Variants in RPE65 observed in about 807,000 individuals in gnomAD.
RPE65 encodes the protein retinoid isomerohydrolase RPE65.
RPE65 carries 58 observed loss-of-function variants against 68.5 expected under a neutral mutation model. That is an observed-to-expected ratio of 0.85 (90% CI 0.69 to 1.05). RPE65 has a LOEUF of 1.05. Ranked by LOEUF, RPE65 falls within the 50% of genes least tolerant of loss-of-function variation. RPE65 has a pLI of 0.00. For synonymous variants in RPE65, 220 were observed against 222.2 expected, an observed-to-expected ratio of 0.99 and a Z score of 0.09; for missense variants, 643 against 629.9, an observed-to-expected ratio of 1.02 and a Z score of -0.22.
intron 10 of RPE65, among the ~76,000 whole-genome samples, chr1:68,436,435 C>G (rs1407372363): frequency 6.8e-6 from 1 of 147,624 alleles, no homozygotes; most frequent in African/African-American, 2.5e-5. Context: ...AAGCTAGCTC[C>G]TGTTACTTCT....
chr1:68,446,021 A>G (rs1262146005), intron 3 of RPE65, among the ~76,000 whole-genome samples: 1 of 152,066 alleles, frequency 6.6e-6, no homozygotes, highest in Non-Finnish European at 1.5e-5. Context: ...GTGGTGATCA[A>G]CAAAGCCACT....
Position 68,440,957 on chromosome 1 carries a change from T to C in RPE65, c.539A>G (p.His180Arg), listed in dbSNP as rs1400341789. 6.2e-7 allele frequency: 1 copy of C among 1,613,948 alleles called. No homozygotes were observed. The highest frequency in any genetic ancestry group is 1.1e-5 in the South Asian group (1 of 91,080). The stretch of plus-strand genomic sequence containing the variant: ...GGTTCCATCATTTTCAATGTGGGGG[T>C]GAGCAGTGGCCCCATTGACAGAGAC... ...NYVSVNGATA[H>R]PHIENDGTVY... The change falls in exon 6 of 14, where the codon CAC becomes CGC. Residue 180 changes from histidine (H) to arginine (R), a missense_variant. His to Arg is a conservative substitution (Grantham distance 29). Transcript: ENST00000262340.
intron 3 of RPE65, 81 bp from the exon 4 acceptor site, chr1:68,444,964 A>AAGC: frequency 9.1e-7 from 1 of 1,104,960 alleles, no homozygotes; most frequent in Non-Finnish European, 1.4e-6. Context: ...TGGCCATTCT[A>AAGC]TGTGTCCTCA....
chr1:68,439,246 C>T lies in RPE65; in HGVS notation c.803G>A (p.Trp268Ter). Residue 268 changes from tryptophan to a stop codon, truncating the protein, a stop_gained, in exon 8 of 14, where the codon TGG becomes TAG. Coordinates refer to ENST00000262340, the MANE Select transcript of RPE65 (RefSeq NM_000329.3). LOFTEE classifies it high-confidence loss of function. Reference protein sequence around the residue: ...KINLFKFLSSWSLWGANYMDC... With the variant: ...KINLFKFLSS ...CATGTAGTTGGCTCCCCAAAGACTC[C>T]ATGAAGAAAGGAACTTGAACAGGTT... is the stretch of plus-strand genomic sequence containing the variant. The T allele has an allele frequency of 6.2e-7, 1 of 1,613,980 alleles. No homozygotes were observed. Among genetic ancestry groups the T allele is most frequent in the Non-Finnish European group, 8.5e-7 (1 of 1,179,954 alleles).
intron 13 of RPE65, 76 bp from the exon 14 acceptor site, chr1:68,430,003 T>A (rs1645814834): frequency 6.4e-7 from 1 of 1,557,666 alleles, no homozygotes; most frequent in African/African-American, 1.4e-5. Context: ...ATTGAAATAA[T>A]ATAGGAGGTA....
At chr1:68,441,634 C>G (rs1207160292) in intron 5 of RPE65, among the ~76,000 whole-genome samples, 2 of 152,072 alleles carry the variant, frequency 1.3e-5, no homozygotes, top group Non-Finnish European at 2.9e-5. Context: ...TAACACAAAT[C>G]TCTGTTTGCA....
chr1:68,434,584 T>G (rs1645847791), intron 10 of RPE65, among the ~76,000 whole-genome samples: 1 of 152,162 alleles, frequency 6.6e-6, no homozygotes, highest in South Asian at 2.1e-4. Context: ...GGTGTGCACA[T>G]GTATGCATAT....
intron 5 of RPE65, among the ~76,000 whole-genome samples, chr1:68,443,382 T>G (rs1005432665): frequency 6.6e-6 from 1 of 152,208 alleles, no homozygotes; most frequent in Non-Finnish European, 1.5e-5. Context: ...GTGGGACGTC[T>G]CCATGATGAT....
At chr1:68,444,391 T>A (rs1306097721) in intron 5 of RPE65, 140 bp downstream of exon 5, 1 of 1,084,582 alleles carries the variant, frequency 9.2e-7, no homozygotes, top group Non-Finnish European at 1.4e-6. Context: ...ATCAGTGCAG[T>A]CCATTTGGAG....
At chr1:68,432,479 C>T (rs1268401868) in intron 10 of RPE65, among the ~76,000 whole-genome samples, 3 of 152,068 alleles carry the variant, frequency 2.0e-5, no homozygotes, top group Admixed American at 6.6e-5. Context: ...AGAGAATTAG[C>T]AATGCAGATA....
rs368088025 is a variant in RPE65 at position 68,446,825 on chromosome 1, G to T, written c.130C>A (p.Arg44=). The T allele has an allele frequency of 1.2e-6, 2 of 1,613,930 alleles. No homozygotes were observed. Among genetic ancestry groups the T allele is most frequent in the Non-Finnish European group, 1.7e-6 (2 of 1,180,034 alleles). The part of the protein sequence containing the change: ...IPLWLTGSLL[R]CGPGLFEVGS... ...ACTTCAAAGAGTCCTGGCCCACATC[G>T]AAGGAGACTGCCGGTGAGCCAGAGG... is the stretch of plus-strand genomic sequence containing the variant. Residue 44 remains arginine, a synonymous_variant, in exon 3 of 14, where the codon CGA becomes AGA. Transcript: ENST00000262340.
chr1:68,446,838 G>A lies in RPE65; in HGVS notation c.117C>T (p.Thr39=), dbSNP rs143929144. The A allele has an allele frequency of 1.3e-4, 204 of 1,613,722 alleles. 1 individual carries two copies. In the African/African-American group the frequency reaches 1.5e-3, roughly 12 times the overall value. ...HVTGRIPLWL[T]GSLLRCGPGL... Reference sequence around the variant, plus strand: ...CTGGCCCACATCGAAGGAGACTGCCGGTGAGCCAGAGGGGGATCCTGCCTG... The same window carrying A: ...CTGGCCCACATCGAAGGAGACTGCCAGTGAGCCAGAGGGGGATCCTGCCTG... Residue 39 remains threonine, a synonymous_variant, in exon 3 of 14, where the codon ACC becomes ACT. Transcript: ENST00000262340.
chr1:68,437,582 G>A (rs1489497153), intron 10 of RPE65, among the ~76,000 whole-genome samples: 1 of 152,170 alleles, frequency 6.6e-6, no homozygotes, highest in Non-Finnish European at 1.5e-5. Context: ...ACCTATATGT[G>A]AGAATTATAT....
Position 68,448,612 on chromosome 1 carries a change from G to A in RPE65, c.94+12C>T. ...CATAAAAGAGGATGGCTTCAAGATG[G>A]GCGAGACCAACCTGTTACATGAGCT... is the stretch of plus-strand genomic sequence containing the variant. On this transcript the variant is annotated intron_variant, in intron 2 of 13. Coordinates refer to ENST00000262340, the MANE Select transcript of RPE65 (RefSeq NM_000329.3). The A allele has an allele frequency of 6.2e-7, 1 of 1,613,324 alleles. No individual in the cohort carries two copies. The highest frequency in any genetic ancestry group is 8.5e-7 in the Non-Finnish European group (1 of 1,179,530).
chr1:68,442,968 T>TGCTG (rs1467050787), intron 5 of RPE65, among the ~76,000 whole-genome samples: 1 of 152,230 alleles, frequency 6.6e-6, no homozygotes, highest in Non-Finnish European at 1.5e-5. Context: ...TTACCAGTAC[T>TGCTG]GCATTTGTGG....
intron 10 of RPE65, among the ~76,000 whole-genome samples, chr1:68,436,645 T>C (rs1315655050): frequency 1.3e-5 from 2 of 151,962 alleles, no homozygotes; most frequent in African/African-American, 4.8e-5. Flanking sequence ...ATTTTGTGTT[T>C]TTAGTAAAGA....
intron 10 of RPE65, among the ~76,000 whole-genome samples, chr1:68,436,911 T>G (rs1645866981): frequency 6.6e-6 from 1 of 152,198 alleles, no homozygotes; most frequent in African/African-American, 2.4e-5. Context: ...TGCTGTTGAT[T>G]TTGCTGCCTA....
intron 7 of RPE65, 53 bp downstream of exon 7, chr1:68,439,508 C>G: frequency 6.3e-7 from 1 of 1,593,384 alleles, no homozygotes; most frequent in Middle Eastern, 1.7e-4. Flanking sequence ...GTAGGCAAAG[C>G]AAATCTTTAA....
In RPE65 at chr1:68,439,647, A is replaced by T. The variant is rs2100819923; in HGVS notation, c.644-5T>A. The T allele has an allele frequency of 6.2e-7, 1 of 1,613,532 alleles. No individual in the cohort carries two copies. Among genetic ancestry groups the T allele is most frequent in the South Asian group, 1.1e-5 (1 of 91,072 alleles). On this transcript the variant is annotated splice_region_variant and splice_polypyrimidine_tract_variant and intron_variant, in intron 6 of 13. Transcript: ENST00000262340. ...TGCTTATTGGATCTTCCTTGTCTGA[A>T]ATAAAGTGGTTTTAAAAGGCTTTGG...
Sources: allele counts gnomAD v4.1 joint callset (sites outside exome capture counted in the v4.1 genomes callset), GRCh38; gene constraint gnomAD v4.1.1; transcripts MANE v1.5; gene names NCBI Gene and HGNC (gene_info 2026-07-23, HGNC 2026-07-21).